Variants in BACH2 observed in about 807,000 individuals in gnomAD.
BACH2 encodes transcription regulator protein BACH2.
In BACH2, 5 loss-of-function variants were observed where a neutral mutation model predicts 61.8. The ratio of observed to expected loss-of-function variants is 0.08; its 90% CI spans 0.04 to 0.17. The LOEUF (loss-of-function observed/expected upper bound fraction) is 0.17, where lower values mean the gene tolerates loss of function less well. Among genes scored for constraint, BACH2 ranks in the 10% least tolerant of loss-of-function variants. BACH2 has a pLI of 1.00. For missense variants in BACH2, 824 were observed against 1,091.1 expected, an observed-to-expected ratio of 0.76 and a Z score of 3.45; for synonymous variants, 446 against 440.1, an observed-to-expected ratio of 1.01 and a Z score of -0.17.
intron 4 of BACH2, among the ~76,000 whole-genome samples, chr6:90,179,756 G>A (rs749577625): frequency 2.0e-5 from 3 of 152,142 alleles, no homozygotes; most frequent in Non-Finnish European, 4.4e-5. Context: ...GCCATTTATA[G>A]TATCATCTAT....
At chr6:89,993,803 T>G (rs538116438) in intron 6 of BACH2, among the ~76,000 whole-genome samples, 3 of 143,474 alleles carry the variant, frequency 2.1e-5, no homozygotes, top group East Asian at 4.0e-4. Flanking sequence ...TGACTTTATG[T>G]TTTTTTTTTT....
At position 90,143,345 on chromosome 6, in the gene BACH2, C is replaced by T. The variant is rs181957385; in HGVS notation, c.-161-54236G>A. Among the ~76,000 whole-genome samples the T allele has an allele frequency of 9.2e-5, 14 of 152,242 alleles. No individual in the cohort carries two copies. The East Asian group carries it at 2.7e-3, about 29-fold the overall frequency. ...TTAAGAATGCAGTCTCTAGAACCTGCCTGCCTGCTTGGTTCAAATTCACCT... is the reference window on the plus strand; with the variant it reads ...TTAAGAATGCAGTCTCTAGAACCTGTCTGCCTGCTTGGTTCAAATTCACCT... On this transcript the variant is annotated intron_variant, in intron 4 of 8. Coordinates refer to ENST00000257749, the MANE Select transcript of BACH2 (RefSeq NM_021813.4).
chr6:89,983,875 T>C (rs145119620), intron 6 of BACH2, among the ~76,000 whole-genome samples: 3 of 152,302 alleles, frequency 2.0e-5, no homozygotes, highest in African/African-American at 7.2e-5. Flanking sequence ...TTTGTTAGAA[T>C]GGTTATACAG....
intron 6 of BACH2, among the ~76,000 whole-genome samples, chr6:90,007,563 A>G (rs1777476422): frequency 6.6e-6 from 1 of 151,992 alleles, no homozygotes; most frequent in African/African-American, 2.4e-5. Flanking sequence ...ACTCATTTAT[A>G]TTATTTGCCA....
At chr6:90,180,096 C>T (rs1768107384) in intron 4 of BACH2, among the ~76,000 whole-genome samples, 1 of 152,126 alleles carries the variant, frequency 6.6e-6, no homozygotes, top group Non-Finnish European at 1.5e-5. Context: ...TTCTAAAAGT[C>T]TTAGTGCATT....
At chr6:89,974,675 T>C (rs1357268764) in intron 6 of BACH2, among the ~76,000 whole-genome samples, 1 of 152,226 alleles carries the variant, frequency 6.6e-6, no homozygotes, top group Non-Finnish European at 1.5e-5. Flanking sequence ...CTGGCCTCGC[T>C]AATAAATCCT....
chr6:90,281,591 C>T (rs903911365), intron 1 of BACH2, among the ~76,000 whole-genome samples: 2 of 151,938 alleles, frequency 1.3e-5, no homozygotes, highest in African/African-American at 2.4e-5. Flanking sequence ...TATAGTTTTA[C>T]CATCTATGTA....
At chr6:89,978,171 C>A (rs879636480) in intron 6 of BACH2, among the ~76,000 whole-genome samples, 3 of 152,172 alleles carry the variant, frequency 2.0e-5, no homozygotes, top group Non-Finnish European at 4.4e-5. Flanking sequence ...TAGCACTTAT[C>A]ATATAGAGTG....
chr6:90,041,879 T>C (rs1779553561), intron 5 of BACH2, among the ~76,000 whole-genome samples: 1 of 152,216 alleles, frequency 6.6e-6, no homozygotes, highest in South Asian at 2.1e-4. Flanking sequence ...TTGATATACT[T>C]TTATTTCCTT....
chr6:90,072,189 T>A (rs950687322), intron 5 of BACH2, among the ~76,000 whole-genome samples: 2 of 152,250 alleles, frequency 1.3e-5, no homozygotes, highest in Admixed American at 6.5e-5. Flanking sequence ...CTTCAACTTG[T>A]TTACTGTATT....
chr6:89,993,753 C>T (rs1776702985), intron 6 of BACH2, among the ~76,000 whole-genome samples: 1 of 151,684 alleles, frequency 6.6e-6, no homozygotes, highest in Admixed American at 6.6e-5. Context: ...GTGGCATGAA[C>T]TCCAAGGACA....
At chr6:89,937,444 C>T (rs368745465) in intron 8 of BACH2, among the ~76,000 whole-genome samples, 17 of 152,162 alleles carry the variant, frequency 1.1e-4, no homozygotes, top group African/African-American at 3.4e-4. Flanking sequence ...TGAGTCATAG[C>T]GTTCATGTGA....
chr6:90,134,613 G>T (rs771746152), intron 4 of BACH2, among the ~76,000 whole-genome samples: 1 of 152,194 alleles, frequency 6.6e-6, no homozygotes, highest in Non-Finnish European at 1.5e-5. Flanking sequence ...AACAGGCAGT[G>T]CATAGAATAA....
In BACH2 at chr6:90,212,444, T is replaced by C. The variant is rs575709472; in HGVS notation, c.-274-5763A>G. On this transcript the variant is annotated intron_variant, in intron 3 of 8. Transcript: ENST00000257749. Reference sequence around the variant, plus strand: ...TCTCCATCCTCAAAGTTACAGCAGATGTGTGGCTGTGGTTCTCCATGACTT... The same window carrying C: ...TCTCCATCCTCAAAGTTACAGCAGACGTGTGGCTGTGGTTCTCCATGACTT... 5.9e-5 allele frequency among the ~76,000 whole-genome samples: 9 copies of C among 152,286 alleles called. No individual in the cohort carries two copies. In the East Asian group the frequency reaches 1.7e-3, roughly 29 times the overall value.
At chr6:90,275,296 G>A (rs1297575795) in intron 1 of BACH2, among the ~76,000 whole-genome samples, 5 of 152,102 alleles carry the variant, frequency 3.3e-5, no homozygotes, top group East Asian at 3.9e-4. Context: ...ACTGTAAATC[G>A]TGAGAGAACA....
At chr6:90,247,261 G>A (rs904047603) in intron 3 of BACH2, among the ~76,000 whole-genome samples, 1 of 91,002 alleles carries the variant, frequency 1.1e-5, no homozygotes. Flanking sequence ...TTTTTTTTTT[G>A]TAGAGATGGT....
At chr6:90,227,418 T>C (rs1769952436) in intron 3 of BACH2, among the ~76,000 whole-genome samples, 1 of 152,128 alleles carries the variant, frequency 6.6e-6, no homozygotes, top group South Asian at 2.1e-4. Context: ...TAAAACGTCA[T>C]GGGAAAAATT....
chr6:89,930,228 C>CTTTT lies in BACH2; in HGVS notation c.*2176_*2179dup, dbSNP rs397885211. 57 of 53,446 alleles carry CTTTT rather than the reference C, an allele frequency of 1.1e-3. 9 individuals are homozygous for CTTTT. Among genetic ancestry groups the CTTTT allele is most frequent in the African/African-American group, 3.7e-3 (51 of 13,672 alleles). The allele number at this position is 53,446 out of a possible 1,614,324, so 3.3% of individuals were successfully genotyped here. ...AGTGGAACTGTTTAAAAAGAAAAGC[C>CTTTT]TTTTTTTTTTTTTTTTTTTTTTTTT... On this transcript the variant is annotated 3_prime_UTR_variant, in exon 9 of 9. Transcript: ENST00000257749.
intron 7 of BACH2, among the ~76,000 whole-genome samples, chr6:89,941,912 G>A (rs569536759): frequency 1.3e-5 from 2 of 152,334 alleles, no homozygotes; most frequent in East Asian, 3.9e-4. Flanking sequence ...AGGGGAATAG[G>A]AGGGAGAGTT....
Sources: gnomAD v4.1 joint callset for allele counts (sites outside exome capture counted in the v4.1 genomes callset) on GRCh38, gnomAD v4.1.1 for gene constraint, MANE v1.5 for transcripts, NCBI Gene and HGNC (gene_info 2026-07-23, HGNC 2026-07-21) for gene names.